The following CCDC47 variants were observed in gnomAD, a reference collection of about 807,000 sequenced individuals.
The protein encoded by CCDC47 is coiled-coil domain containing 47, also known as PAT complex subunit CCDC47.
A neutral mutation model predicts 60.5 loss-of-function variants in CCDC47; 41 were observed. The observed-to-expected ratio is 0.68, with a 90% CI of 0.53 to 0.88. The LOEUF is 0.88. CCDC47 is among the 40% of genes least tolerant of loss of function. CCDC47 has a pLI of 0.00. For synonymous variants in CCDC47, 195 were observed against 190.7 expected, an observed-to-expected ratio of 1.02 and a Z score of -0.18; for missense variants, 513 against 580.9, an observed-to-expected ratio of 0.88 and a Z score of 1.20.
chr17:63,766,034 C>T lies in CCDC47; in HGVS notation c.142G>A (p.Asp48Asn). Residue 48 changes from aspartate to asparagine, a missense_variant, in exon 2 of 13, where the codon GAC becomes AAC. Coordinates refer to ENST00000225726, the MANE Select transcript of CCDC47 (RefSeq NM_020198.3). ...DFAEFEDVME[D>N]SVTESPQRVI... is the part of the protein sequence containing the mutation. Reference sequence around the variant, plus strand: ...CGTTGAGGAGATTCAGTAACAGAGTCTTCCATGACATCCTCAAATTCAGCG... The same window carrying T: ...CGTTGAGGAGATTCAGTAACAGAGTTTTCCATGACATCCTCAAATTCAGCG... 6.2e-7 allele frequency: 1 copy of T among 1,614,092 alleles called. No homozygotes were observed. The highest frequency in any genetic ancestry group is 2.2e-5 in the East Asian group (1 of 44,874).
At chr17:63,771,088 C>T (rs1223686880) in intron 1 of CCDC47, among the ~76,000 whole-genome samples, 1 of 147,684 alleles carries the variant, frequency 6.8e-6, no homozygotes. Context: ...AATTAAAGTT[C>T]ATAAAATTTG....
chr17:63,746,956 A>G lies in CCDC47; in HGVS notation c.1377T>C (p.Ala459=). ...DPEKQRRLEE[A]ALRREQKKLE... is the part of the protein sequence containing the mutation. ...ACTTCTTTTGCTCACGCCTCAATGC[A>G]GCCTCCTAGAGAAAGAAGGGGTAAT... The change falls in exon 13 of 13, where the codon GCT becomes GCC. Residue 459 remains alanine, a synonymous_variant. Transcript: ENST00000225726. 6 of 1,613,376 alleles carry G rather than the reference A, an allele frequency of 3.7e-6. No homozygotes were observed. The highest frequency in any genetic ancestry group is 1.1e-5 in the South Asian group (1 of 90,952).
chr17:63,746,153 C>T lies in CCDC47; in HGVS notation c.*728G>A, dbSNP rs1194011462. 1.3e-5 allele frequency: 2 copies of T among 152,184 alleles called. No homozygotes were observed. Among genetic ancestry groups the T allele is most frequent in the Admixed American group, 6.5e-5 (1 of 15,282 alleles). 9.4% of individuals were successfully genotyped at this position (152,184 alleles called of 1,614,324 possible). On this transcript the variant is annotated 3_prime_UTR_variant, in exon 13 of 13. Transcript: ENST00000225726. ...GTTACTCAAGAAAATAAACATACAACCACTTAAAATACAGCATTCACGTTG... is the reference window on the plus strand; with the variant it reads ...GTTACTCAAGAAAATAAACATACAATCACTTAAAATACAGCATTCACGTTG...
At chr17:63,770,271 A>G (rs1290618692) in intron 1 of CCDC47, among the ~76,000 whole-genome samples, 1 of 151,592 alleles carries the variant, frequency 6.6e-6, no homozygotes, top group Non-Finnish European at 1.5e-5. Flanking sequence ...CCGTGCCCGG[A>G]CTAATTTTTT....
rs1568251638 is a variant in CCDC47, at chr17:63,766,001, T to C, written c.175A>G (p.Ile59Val). The change falls in exon 2 of 13, where the codon ATC becomes GTC. Residue 59 changes from isoleucine to valine, a missense_variant. Physicochemically the swap from Ile to Val is conservative, Grantham distance 29. Coordinates refer to ENST00000225726, the MANE Select transcript of CCDC47 (RefSeq NM_020198.3). ...GTCTCATCTTCATCATCTTCAGTGATTATGACCCGTTGAGGAGATTCAGTA... is the reference window on the plus strand; with the variant it reads ...GTCTCATCTTCATCATCTTCAGTGACTATGACCCGTTGAGGAGATTCAGTA... Reference protein sequence around the residue: ...SVTESPQRVIITEDDEDETTV... With the variant: ...SVTESPQRVIVTEDDEDETTV... 1 of 1,614,132 alleles carries C rather than the reference T, an allele frequency of 6.2e-7. No homozygotes were observed. The highest frequency in any genetic ancestry group is 1.3e-5 in the African/African-American group (1 of 75,054).
At chr17:63,772,159 A>C (rs533149963) in intron 1 of CCDC47, among the ~76,000 whole-genome samples, 6 of 152,062 alleles carry the variant, frequency 3.9e-5, no homozygotes, top group Non-Finnish European at 7.4e-5. Context: ...AATTACTTAA[A>C]ATTCCCTGTT....
rs747288332 is a variant in CCDC47 at position 63,756,475 on chromosome 17, C to T, written c.831G>A (p.Gln277=). ...KALVRLQKEM[Q]DLSEFCSDKP... ...TTGGAGCAACCTGACATACCAAATC[C>T]TGCATCTCTTTCTGTAGTCGCACCA... The change falls in exon 7 of 13, where the codon CAG becomes CAA. Residue 277 remains glutamine, a synonymous_variant. Coordinates refer to ENST00000225726, the MANE Select transcript of CCDC47 (RefSeq NM_020198.3). 1.6e-5 allele frequency: 26 copies of T among 1,613,192 alleles called. 1 individual carries two copies. The South Asian group carries it at 2.7e-4, about 17-fold the overall frequency.
At chr17:63,772,437 T>C (rs1452988628) in intron 1 of CCDC47, among the ~76,000 whole-genome samples, 1 of 151,984 alleles carries the variant, frequency 6.6e-6, no homozygotes, top group Non-Finnish European at 1.5e-5. Flanking sequence ...GTATTTTTAG[T>C]AGAGACGGGG....
At position 63,752,041 on chromosome 17, in the gene CCDC47, G is replaced by A. The variant is rs1489039082; in HGVS notation, c.1270C>T (p.Gln424Ter). The A allele has an allele frequency of 3.1e-6, 5 of 1,612,866 alleles. No homozygotes were observed. In the South Asian group the frequency reaches 5.5e-5, roughly 18 times the overall value. Residue 424 changes from glutamine to a stop codon, truncating the protein, a stop_gained, in exon 12 of 13, where the codon CAA (glutamine) becomes TAA (stop). Transcript: ENST00000225726. LOFTEE classifies it high-confidence loss of function. ...CGAGACTGTGCTGCTTCCTGTCTTT[G>A]CACATGTGTCAGTTTCAAGAAGTTC... The part of the protein sequence containing the change: ...EENFLKLTHV[Q>*]RQEAAQSRRE...
At chr17:63,771,840 G>A (rs1023559178) in intron 1 of CCDC47, among the ~76,000 whole-genome samples, 8 of 152,140 alleles carry the variant, frequency 5.3e-5, no homozygotes, top group African/African-American at 1.9e-4. Flanking sequence ...TCAGCACTTT[G>A]GGAGGCCGAG....
At chr17:63,752,608 C>A in intron 10 of CCDC47, 133 bp downstream of exon 10, 1 of 950,338 alleles carries the variant, frequency 1.1e-6, no homozygotes, top group South Asian at 2.2e-5. Context: ...TTGAAGAAAT[C>A]TGGAAATCAG....
chr17:63,746,592 T>G lies in CCDC47; in HGVS notation c.*289A>C, dbSNP rs1185726953. On this transcript the variant is annotated 3_prime_UTR_variant, in exon 13 of 13. Transcript: ENST00000225726. ...AAAGCACTGATGATTTGTATTATAATTTTTAAAATATTTAAAACCTACACA... is the reference window on the plus strand; with the variant it reads ...AAAGCACTGATGATTTGTATTATAAGTTTTAAAATATTTAAAACCTACACA... The G allele has an allele frequency of 7.4e-6, 2 of 270,368 alleles. No individual in the cohort carries two copies. Among genetic ancestry groups the G allele is most frequent in the East Asian group, 1.4e-4 (2 of 14,420 alleles). The allele number at this position is 270,368 out of a possible 1,614,324, so 16.7% of individuals were successfully genotyped here. A position where few individuals can be genotyped will look rare whatever the true frequency, so the allele number is the denominator to read the frequency against.
intron 6 of CCDC47, among the ~76,000 whole-genome samples, chr17:63,758,934 A>G (rs538713988): frequency 6.6e-6 from 1 of 152,222 alleles, no homozygotes; most frequent in East Asian, 1.9e-4. Context: ...TTGTTGAAGC[A>G]ATTTCTCTTA....
At position 63,760,914 on chromosome 17, in the gene CCDC47, C is replaced by T. The variant is rs556085713; in HGVS notation, c.735G>A (p.Val245=). ...GAAAACCAGCGGGAAGAATACATAC[C>T]ACTTGATCACTCACTGGCCTCATCA... ...ARMMRPVSDQ[V]QIKVTMNDED... is the part of the protein sequence containing the mutation. The change falls in exon 6 of 13, where the codon GTG becomes GTA. Residue 245 remains valine, a splice_region_variant and synonymous_variant. Coordinates refer to ENST00000225726, the MANE Select transcript of CCDC47 (RefSeq NM_020198.3). 32 of 1,605,184 alleles carry T rather than the reference C, an allele frequency of 2.0e-5. No individual in the cohort carries two copies. In the South Asian group the frequency reaches 3.4e-4, roughly 17 times the overall value.
intron 1 of CCDC47, among the ~76,000 whole-genome samples, chr17:63,770,433 G>C (rs1428346294): frequency 1.3e-5 from 2 of 152,172 alleles, no homozygotes; most frequent in Non-Finnish European, 2.9e-5. Flanking sequence ...GGCTGGAAAG[G>C]CCCTCAGGGG....
chr17:63,766,465 C>T (rs1333245312), intron 1 of CCDC47, among the ~76,000 whole-genome samples: 1 of 152,052 alleles, frequency 6.6e-6, no homozygotes, highest in Non-Finnish European at 1.5e-5. Context: ...CTCTTGTCGC[C>T]CAGGTTGGAG....
chr17:63,765,541 T>C, intron 2 of CCDC47: 1 of 190,868 alleles, frequency 5.2e-6, no homozygotes, highest in Non-Finnish European at 9.7e-6. Flanking sequence ...GGTTTCACCA[T>C]GTTGGCCAGG....
At chr17:63,751,786 T>C (rs2039167412) in intron 12 of CCDC47, 154 bp downstream of exon 12, 2 of 519,474 alleles carry the variant, frequency 3.9e-6, no homozygotes, top group Non-Finnish European at 6.2e-6. Flanking sequence ...AAGGATTATT[T>C]ATTCTTCTTT....
intron 9 of CCDC47, 185 bp from the exon 10 acceptor site, chr17:63,752,984 T>C (rs76158997): frequency 3.3e-6 from 3 of 895,914 alleles, no homozygotes; most frequent in East Asian, 1.2e-4. Flanking sequence ...GTCTATCTGA[T>C]GGATGCATTC....
Sources: gnomAD v4.1 joint callset for allele counts (sites outside exome capture counted in the v4.1 genomes callset) on GRCh38, gnomAD v4.1.1 for gene constraint, MANE v1.5 for transcripts, NCBI Gene and HGNC (gene_info 2026-07-23, HGNC 2026-07-21) for gene names.